Variants in CIITA observed in about 807,000 individuals in gnomAD.
The protein encoded by CIITA is MHC class II transactivator.
Under a neutral mutation model 115.1 loss-of-function variants are expected in CIITA, and 72 were observed. The ratio of observed to expected loss-of-function variants is 0.63; its 90% CI spans 0.52 to 0.76. The LOEUF (loss-of-function observed/expected upper bound fraction) is 0.76. CIITA is among the 30% of genes least tolerant of loss of function. The probability of loss-of-function intolerance (pLI) is 0.00; values close to 1 mark genes in which losing one functional copy is unlikely to be tolerated. For synonymous variants in CIITA, 763 were observed against 635.6 expected (o/e 1.20, Z -3.02); for missense variants, 1,617 against 1,463.8 (o/e 1.10, Z -1.71).
intron 1 of CIITA, chr16:10,866,562 T>G (rs572125056): frequency 1.8e-6 from 1 of 541,634 alleles, no homozygotes; most frequent in African/African-American, 1.9e-5. Flanking sequence ...CCGGCCACAG[T>G]GACCATGGTG....
intron 1 of CIITA, among the ~76,000 whole-genome samples, chr16:10,884,812 C>T (rs1326021595): frequency 6.6e-6 from 1 of 152,190 alleles, no homozygotes; most frequent in African/African-American, 2.4e-5. Flanking sequence ...CCTGCTCCTT[C>T]TCTGTGTGGA....
At chr16:10,874,441 T>A (rs530198821), upstream of CIITA, among the ~76,000 whole-genome samples, 4 of 152,190 alleles carry the variant, frequency 2.6e-5, no homozygotes, top group Admixed American at 6.5e-5. Context: ...TCCCTCTCCA[T>A]CCCCACACCC....
chr16:10,908,535 C>T, intron 11 of CIITA: 1 of 420,214 alleles, frequency 2.4e-6, no homozygotes, highest in South Asian at 2.1e-5. Context: ...ATTCTCTCCT[C>T]TTCCACTCCA....
At chr16:10,921,725 T>C (rs1220861417) in intron 16 of CIITA, among the ~76,000 whole-genome samples, 1 of 152,234 alleles carries the variant, frequency 6.6e-6, no homozygotes, top group African/African-American at 2.4e-5. Context: ...TTAGTCCTGC[T>C]GTTTTCCTGG....
chr16:10,893,636 C>G (rs2037814311), intron 1 of CIITA, among the ~76,000 whole-genome samples: 1 of 151,720 alleles, frequency 6.6e-6, no homozygotes. Context: ...TGGTGAAACA[C>G]TGTCTCTACT....
chr16:10,930,753 C>G lies in CIITA; in HGVS notation c.*6898C>G, dbSNP rs2040751024. On this transcript the variant is annotated 3_prime_UTR_variant, in exon 20 of 20. Transcript: ENST00000324288. Reference sequence around the variant, plus strand: ...GAGGCTGTGGGTGCCCCGCCCCATTCCCTCCACTCACTCTTCCTTGCAGGT... The same window carrying G: ...GAGGCTGTGGGTGCCCCGCCCCATTGCCTCCACTCACTCTTCCTTGCAGGT... 6.6e-6 allele frequency: 1 copy of G among 152,248 alleles called. No individual in the cohort carries two copies. The highest frequency in any genetic ancestry group is 6.5e-5 in the Admixed American group (1 of 15,282). 9.4% of individuals were successfully genotyped at this position (152,248 alleles called of 1,614,324 possible). A position where few individuals can be genotyped will look rare whatever the true frequency, so the allele number is the denominator to read the frequency against.
At chr16:10,904,923 ACACT>A in intron 10 of CIITA, 111 bp downstream of exon 10, 3 of 1,091,226 alleles carry the variant, frequency 2.7e-6, no homozygotes, top group Non-Finnish European at 4.2e-6. Flanking sequence ...GTTGGCTCAC[ACACT>A]CATTTATTTA....
upstream of CIITA, among the ~76,000 whole-genome samples, chr16:10,873,851 C>CGT: frequency 6.6e-6 from 1 of 152,292 alleles, no homozygotes; most frequent in East Asian, 1.9e-4. Context: ...TTCAGCAGCA[C>CGT]CTCTCCTGAC....
chr16:10,887,942 C>T (rs545959010), intron 1 of CIITA, among the ~76,000 whole-genome samples: 7 of 152,102 alleles, frequency 4.6e-5, no homozygotes, highest in Non-Finnish European at 8.8e-5. Context: ...ATGAACTGGA[C>T]GTAATCTCAG....
At chr16:10,912,757 C>G (rs1272460883) in intron 13 of CIITA, among the ~76,000 whole-genome samples, 2 of 152,216 alleles carry the variant, frequency 1.3e-5, no homozygotes, top group African/African-American at 2.4e-5. Context: ...GCCCCTAGTT[C>G]AAGATCGGAA....
intron 1 of CIITA, among the ~76,000 whole-genome samples, chr16:10,892,417 C>G (rs920362781): frequency 2.0e-5 from 3 of 152,168 alleles, no homozygotes; most frequent in African/African-American, 7.2e-5. Flanking sequence ...GTATTCTCTT[C>G]TGGGCCCAGA....
chr16:10,914,096 C>A (rs1345167009), intron 13 of CIITA, among the ~76,000 whole-genome samples: 1 of 152,184 alleles, frequency 6.6e-6, no homozygotes, highest in African/African-American at 2.4e-5. Context: ...ATCTTCCCCC[C>A]TGGAATGTCA....
chr16:10,896,217 G>A (rs534469477), intron 3 of CIITA, among the ~76,000 whole-genome samples: 52 of 152,152 alleles, frequency 3.4e-4, no homozygotes, highest in Admixed American at 2.0e-3. Context: ...AACAACAAAG[G>A]AAATACATAT....
In CIITA at chr16:10,908,064, G is replaced by C; in HGVS notation, c.2572G>C (p.Asp858His). Reference protein sequence around the residue: ...LGKALEAAGQDFSLDLRSTGI... With the variant: ...LGKALEAAGQHFSLDLRSTGI... ...CAAGGCCTTGGAGGCGGCGGGCCAA[G>C]ACTTCTCCCTGGACCTCCGCAGCAC... The change falls in exon 11 of 20, where the codon GAC becomes CAC. Residue 858 changes from aspartate (D) to histidine (H), a missense_variant. Coordinates refer to ENST00000324288, the MANE Select transcript of CIITA (RefSeq NM_000246.4). 1 of 1,613,102 alleles carries C rather than the reference G, an allele frequency of 6.2e-7. No homozygotes were observed. The highest frequency in any genetic ancestry group is 8.5e-7 in the Non-Finnish European group (1 of 1,179,588).
chr16:10,885,244 T>G (rs1469827383), intron 1 of CIITA, among the ~76,000 whole-genome samples: 2 of 152,064 alleles, frequency 1.3e-5, no homozygotes, highest in South Asian at 4.1e-4. Context: ...AGCTTGCAGG[T>G]CAGAAAGGGG....
At chr16:10,898,128 G>A (rs755944769) in intron 3 of CIITA, among the ~76,000 whole-genome samples, 3 of 151,960 alleles carry the variant, frequency 2.0e-5, no homozygotes, top group Non-Finnish European at 2.9e-5. Flanking sequence ...TTTTTTCTCG[G>A]ACTTCATGTC....
intron 5 of CIITA, among the ~76,000 whole-genome samples, chr16:10,899,514 C>T (rs981749027): frequency 6.6e-6 from 1 of 152,188 alleles, no homozygotes; most frequent in African/African-American, 2.4e-5. Flanking sequence ...GCACTCATTA[C>T]CATCTGGACA....
At chr16:10,914,859 G>A (rs1388823989) in intron 13 of CIITA, among the ~76,000 whole-genome samples, 1 of 152,120 alleles carries the variant, frequency 6.6e-6, no homozygotes, top group African/African-American at 2.4e-5. Context: ...AAAATGCAAA[G>A]GCATATTAGT....
Position 10,931,065 on chromosome 16 carries a change from T to G in CIITA, c.*7210T>G, listed in dbSNP as rs1189899937. 1 of 152,702 alleles carries G rather than the reference T, an allele frequency of 6.5e-6. No individual in the cohort carries two copies. Among genetic ancestry groups the G allele is most frequent in the African/African-American group, 2.4e-5 (1 of 41,462 alleles). The allele number at this position is 152,702 out of a possible 1,614,324, so 9.5% of individuals were successfully genotyped here. ...ATCAGCTGGATAGAGTGGTTCATGC[T>G]TGTAATCCCAGCACTTTGGGAGGCT... On this transcript the variant is annotated 3_prime_UTR_variant, in exon 20 of 20. Coordinates refer to ENST00000324288, the MANE Select transcript of CIITA (RefSeq NM_000246.4).
Sources: allele counts gnomAD v4.1 joint callset (sites outside exome capture counted in the v4.1 genomes callset), GRCh38; gene constraint gnomAD v4.1.1; transcripts MANE v1.5; gene names NCBI Gene and HGNC (gene_info 2026-07-23, HGNC 2026-07-21).